Variants in PLXNA4 observed in about 807,000 individuals in gnomAD.
PLXNA4 encodes plexin A4, also known as plexin-A4.
PLXNA4 carries 44 observed loss-of-function variants against 191.8 expected under a neutral mutation model. The observed-to-expected ratio is 0.23, with a 90% CI of 0.18 to 0.29. The LOEUF is 0.29. PLXNA4 is among the 10% of genes least tolerant of loss of function. PLXNA4 has a pLI of 1.00. For missense variants in PLXNA4, 1,800 were observed against 2,488.8 expected (o/e 0.72, Z 5.89); for synonymous variants, 1,082 against 1,009.5 (o/e 1.07, Z -1.36).
At chr7:132,552,686 C>A (rs1366162182) in intron 1 of PLXNA4, among the ~76,000 whole-genome samples, 4 of 152,202 alleles carry the variant, frequency 2.6e-5, no homozygotes, top group Admixed American at 2.6e-4. Flanking sequence ...ACTGATACTC[C>A]ATTTTCTTCA....
At chr7:132,183,210 A>G (rs930834755) in intron 16 of PLXNA4, among the ~76,000 whole-genome samples, 2 of 152,138 alleles carry the variant, frequency 1.3e-5, no homozygotes, top group Non-Finnish European at 2.9e-5. Context: ...ACATGCGCGC[A>G]CACACGCATG....
intron 3 of PLXNA4, among the ~76,000 whole-genome samples, chr7:132,381,150 C>T (rs1351713339): frequency 1.3e-5 from 2 of 152,222 alleles, no homozygotes; most frequent in African/African-American, 4.8e-5. Context: ...ACAGGTAGCA[C>T]TTGCAAATTG....
intron 1 of PLXNA4, among the ~76,000 whole-genome samples, chr7:132,540,698 C>T (rs1017154757): frequency 5.1e-4 from 76 of 147,896 alleles, no homozygotes; most frequent in Non-Finnish European, 5.5e-4. Flanking sequence ...CGCCATTCTC[C>T]TGCCTCAGCC....
intron 3 of PLXNA4, among the ~76,000 whole-genome samples, chr7:132,427,318 C>A (rs1371749475): frequency 1.3e-5 from 2 of 152,184 alleles, no homozygotes; most frequent in Admixed American, 1.3e-4. Context: ...GATTCATGAC[C>A]TTAAAAACAG....
intron 4 of PLXNA4, among the ~76,000 whole-genome samples, chr7:132,259,428 C>T: frequency 3.4e-5 from 1 of 29,024 alleles, no homozygotes; most frequent in Non-Finnish European, 6.1e-5. Flanking sequence ...AAGAGCAAAA[C>T]TCCAACTCAA....
intron 1 of PLXNA4, among the ~76,000 whole-genome samples, chr7:132,521,368 A>G (rs1208517271): frequency 6.6e-6 from 1 of 152,090 alleles, no homozygotes; most frequent in Admixed American, 6.5e-5. Flanking sequence ...TAACAAGTGT[A>G]ATATATAGTG....
chr7:132,405,064 G>T (rs1321234243), intron 3 of PLXNA4, among the ~76,000 whole-genome samples: 1 of 30,960 alleles, frequency 3.2e-5, no homozygotes, highest in Non-Finnish European at 6.9e-5. Flanking sequence ...GGGTATGTGT[G>T]TGTGTGTATG....
intron 5 of PLXNA4, among the ~76,000 whole-genome samples, chr7:132,240,642 CTTGT>C (rs538363829): frequency 1.2e-3 from 184 of 152,292 alleles, no homozygotes; most frequent in Non-Finnish European, 1.9e-3. Context: ...CAGCATATAT[CTTGT>C]TTATGATTTC....
At position 132,400,808 on chromosome 7, in the gene PLXNA4, T is replaced by C. The variant is rs549442347; in HGVS notation, c.1371+88484A>G. Among the ~76,000 whole-genome samples, 7 of 152,304 alleles carry C rather than the reference T, an allele frequency of 4.6e-5. No homozygotes were observed. The East Asian group carries it at 1.4e-3, about 29-fold the overall frequency. On this transcript the variant is annotated intron_variant, in intron 3 of 31. Coordinates refer to ENST00000321063, the MANE Select transcript of PLXNA4 (RefSeq NM_020911.2). ...CAGCTTGTGGGAGACTGCAGGCTCA[T>C]AAACAGCATAAGCCAGCATTCCAAT... is the stretch of plus-strand genomic sequence containing the variant.
rs1798825385 is a variant in PLXNA4 at position 132,240,029 on chromosome 7, G to C, written c.1604+1037C>G. On this transcript the variant is annotated intron_variant, in intron 5 of 31. Transcript: ENST00000321063. ...ATTTTAAGGGCACTCTTTGCAAAGG[G>C]GAGGGGAGAAGACAAGATCCTGCCC... Among the ~76,000 whole-genome samples the C allele has an allele frequency of 2.6e-5, 4 of 152,198 alleles. 1 individual carries two copies. The highest frequency in any genetic ancestry group is 2.6e-4 in the Admixed American group (4 of 15,286).
At chr7:132,135,691 A>T (rs1381846733) in intron 30 of PLXNA4, among the ~76,000 whole-genome samples, 2 of 152,184 alleles carry the variant, frequency 1.3e-5, no homozygotes, top group Non-Finnish European at 2.9e-5. Flanking sequence ...AGACAGAGAG[A>T]GCTGCTGGGG....
At chr7:132,502,472 C>T (rs575396671) in intron 2 of PLXNA4, among the ~76,000 whole-genome samples, 6 of 152,282 alleles carry the variant, frequency 3.9e-5, no homozygotes, top group East Asian at 1.9e-4. Flanking sequence ...TGGTTCTCAA[C>T]GAGAGGCTTC....
chr7:132,311,803 G>T (rs972126138), intron 3 of PLXNA4, among the ~76,000 whole-genome samples: 3 of 152,176 alleles, frequency 2.0e-5, no homozygotes, highest in Non-Finnish European at 4.4e-5. Flanking sequence ...TGAGGCATGT[G>T]AATAGTTTAC....
chr7:132,332,310 C>T (rs73157298), intron 3 of PLXNA4, among the ~76,000 whole-genome samples: 15 of 152,286 alleles, frequency 9.8e-5, no homozygotes, highest in African/African-American at 2.9e-4. Flanking sequence ...GGGACCTGTC[C>T]GCTCTGAAAT....
chr7:132,304,542 A>C (rs1262859822), intron 3 of PLXNA4, among the ~76,000 whole-genome samples: 3 of 152,204 alleles, frequency 2.0e-5, no homozygotes, highest in African/African-American at 7.2e-5. Context: ...TCCTCATACT[A>C]ACTAAACCTT....
intron 4 of PLXNA4, among the ~76,000 whole-genome samples, chr7:132,249,555 G>T (rs972820724): frequency 6.6e-6 from 1 of 152,194 alleles, no homozygotes; most frequent in African/African-American, 2.4e-5. Context: ...AAAATGGCAC[G>T]TGATCGTTAT....
intron 1 of PLXNA4, among the ~76,000 whole-genome samples, chr7:132,569,898 G>A (rs1265704380): frequency 1.3e-5 from 2 of 152,164 alleles, no homozygotes; most frequent in Non-Finnish European, 2.9e-5. Context: ...CCAGAATCCA[G>A]TACTTGGTTT....
intron 3 of PLXNA4, among the ~76,000 whole-genome samples, chr7:132,458,599 A>G (rs1796390753): frequency 1.3e-5 from 2 of 151,540 alleles, no homozygotes; most frequent in African/African-American, 4.9e-5. Context: ...AGGCACATCA[A>G]GCAGAAAGCA....
At chr7:132,301,226 T>A (rs1164566499) in intron 3 of PLXNA4, among the ~76,000 whole-genome samples, 4 of 152,076 alleles carry the variant, frequency 2.6e-5, no homozygotes, top group Admixed American at 2.6e-4. Context: ...GTTGAAAAAA[T>A]TCACACAAGA....
Sources: gnomAD v4.1 joint callset for allele counts (sites outside exome capture counted in the v4.1 genomes callset) on GRCh38, gnomAD v4.1.1 for gene constraint, MANE v1.5 for transcripts, NCBI Gene and HGNC (gene_info 2026-07-23, HGNC 2026-07-21) for gene names.